Variants in LOC400499 observed in about 807,000 individuals in gnomAD.
At chr16:11,379,288 C>T in the LOC400499 span, among the ~76,000 whole-genome samples, 141 of 152,176 alleles carry the variant, frequency 9.3e-4, no homozygotes, top group Non-Finnish European at 1.3e-3. Context: ...CTACCATTAT[C>T]GTAGACCTAT....
At chr16:11,391,773 C>G in the LOC400499 span, 1 of 1,232,258 alleles carries the variant, frequency 8.1e-7, no homozygotes, top group Non-Finnish European at 1.0e-6. Flanking sequence ...GGCTACTGCC[C>G]AACCACTCGC....
chr16:11,385,358 G>C, the LOC400499 span: 13 of 1,232,162 alleles, frequency 1.1e-5, no homozygotes, highest in Non-Finnish European at 1.2e-5. Context: ...GGGTGCTGAG[G>C]TCCCATACCC....
chr16:11,492,512 G>A, the LOC400499 span, among the ~76,000 whole-genome samples: 4 of 151,986 alleles, frequency 2.6e-5, no homozygotes, highest in African/African-American at 7.3e-5. Context: ...GGCCGGGCGC[G>A]GTGGCTCATG....
the LOC400499 span, chr16:11,384,231 G>T: frequency 4.1e-6 from 5 of 1,232,266 alleles, no homozygotes; most frequent in East Asian, 1.6e-4. Flanking sequence ...AGGCCAGGCT[G>T]AGCTCCTCCA....
At chr16:11,429,517 G>A in the LOC400499 span, among the ~76,000 whole-genome samples, 4 of 152,202 alleles carry the variant, frequency 2.6e-5, no homozygotes, top group African/African-American at 9.7e-5. Context: ...CTATCACCCA[G>A]GATTGGAGAG....
At chr16:11,387,051 G>A in the LOC400499 span, 1 of 1,205,276 alleles carries the variant, frequency 8.3e-7, no homozygotes, top group Non-Finnish European at 1.0e-6. Context: ...AGGCTTCCCT[G>A]TGCCCAGGAG....
chr16:11,492,844 C>G, the LOC400499 span, among the ~76,000 whole-genome samples: 3 of 151,716 alleles, frequency 2.0e-5, no homozygotes, highest in South Asian at 4.2e-4. Flanking sequence ...AATGGGGAAA[C>G]AGGACCAGAG....
the LOC400499 span, chr16:11,390,583 C>T: frequency 2.6e-6 from 2 of 763,814 alleles, no homozygotes. Context: ...ATGTGGGGAG[C>T]TGGGGGAACT....
At chr16:11,460,169 C>T in the LOC400499 span, 1 of 900,116 alleles carries the variant, frequency 1.1e-6, no homozygotes, top group Non-Finnish European at 1.5e-6. Context: ...AGAGACGGTT[C>T]TGTAGAAAGC....
the LOC400499 span, among the ~76,000 whole-genome samples, chr16:11,511,252 C>T: frequency 2.0e-5 from 3 of 152,174 alleles, no homozygotes; most frequent in African/African-American, 7.2e-5. Flanking sequence ...TCACTTTGGC[C>T]TCCCAAGGTG....
the LOC400499 span, chr16:11,459,955 G>C: frequency 5.2e-5 from 78 of 1,511,184 alleles, no homozygotes; most frequent in Non-Finnish European, 6.6e-5. Flanking sequence ...TGGCTGACAC[G>C]GAGATGCCTC....
the LOC400499 span, among the ~76,000 whole-genome samples, chr16:11,527,437 A>G: frequency 1.3e-5 from 2 of 151,982 alleles, no homozygotes; most frequent in Non-Finnish European, 2.9e-5. Context: ...CCTAGAGGGG[A>G]AAAAAAAGGA....
the LOC400499 span, among the ~76,000 whole-genome samples, chr16:11,496,857 C>T: frequency 6.6e-6 from 1 of 150,498 alleles, no homozygotes; most frequent in East Asian, 2.0e-4. Context: ...TCTGCATCTC[C>T]AGGTACGTGA....
At chr16:11,474,550 G>C in the LOC400499 span, among the ~76,000 whole-genome samples, 3 of 152,102 alleles carry the variant, frequency 2.0e-5, no homozygotes, top group Non-Finnish European at 4.4e-5. Context: ...CATTATCATT[G>C]ACTGAAGTGG....
the LOC400499 span, chr16:11,478,103 A>G: frequency 3.0e-5 from 12 of 394,012 alleles, no homozygotes; most frequent in Non-Finnish European, 4.9e-5. Context: ...ATTTGAGCCC[A>G]AGAGTTTGAG....
At chr16:11,381,143 T>C in the LOC400499 span, 63,520 of 151,690 alleles carry the variant, frequency 0.42, 13,601 homozygotes, top group Non-Finnish European at 0.48. Flanking sequence ...TGGAACTCAC[T>C]CCCCGTGCCG....
the LOC400499 span, chr16:11,431,342 C>T: frequency 5.0e-6 from 2 of 398,102 alleles, no homozygotes; most frequent in Non-Finnish European, 8.8e-6. Context: ...AGGACATAAC[C>T]TCTCTGGGCA....
chr16:11,391,542 G>T, the LOC400499 span: 1 of 801,176 alleles, frequency 1.2e-6, no homozygotes, highest in Non-Finnish European at 1.7e-6. Context: ...ACAGGCCCAT[G>T]GGAAGCGAGG....
At chr16:11,381,269 C>G in the LOC400499 span, among the ~76,000 whole-genome samples, 2 of 152,106 alleles carry the variant, frequency 1.3e-5, no homozygotes, top group South Asian at 4.1e-4. Flanking sequence ...TTTTGTGAGA[C>G]AGGGTCTCAG....
Sources: allele counts gnomAD v4.1 joint callset (sites outside exome capture counted in the v4.1 genomes callset), GRCh38; gene constraint gnomAD v4.1.1; transcripts MANE v1.5.